The following EP300 variants were observed in gnomAD, a reference collection of about 807,000 sequenced individuals.
The protein encoded by EP300 is EP300 lysine acetyltransferase.
EP300 carries 31 observed loss-of-function variants against 264.0 expected under a neutral mutation model. That is an observed-to-expected ratio of 0.12 (90% confidence interval 0.09 to 0.16). The LOEUF is 0.16. Among genes scored for constraint, EP300 ranks in the 10% least tolerant of loss-of-function variants. The pLI, the probability that EP300 is intolerant of heterozygous loss-of-function variation, is 1.00. For missense variants in EP300, 2,766 were observed against 3,052.9 expected (o/e 0.91, Z 2.21); for synonymous variants, 1,340 against 1,045.4 (o/e 1.28, Z -5.44).
At chr22:41,128,606 C>T (rs1037387913) in intron 4 of EP300, among the ~76,000 whole-genome samples, 1 of 152,066 alleles carries the variant, frequency 6.6e-6, no homozygotes, top group African/African-American at 2.4e-5. Context: ...CTTCCAGGTT[C>T]ATGCCATTCT....
chr22:41,178,599 C>A lies in EP300; in HGVS notation c.6888C>A (p.Gly2296=), dbSNP rs1002354415. The change falls in exon 31 of 31, where the codon GGC becomes GGA. Residue 2296 remains glycine (G), a synonymous_variant. Coordinates refer to ENST00000263253, the MANE Select transcript of EP300 (RefSeq NM_001429.4). ...PNQAQSPHLQ[G]QQIPNSLSNQ... is the part of the protein sequence containing the mutation. ...AGGCCCAGTCCCCACACCTACAAGG[C>A]CAGCAGATCCCTAATTCTCTCTCCA... 2 of 1,614,008 alleles carry A rather than the reference C, an allele frequency of 1.2e-6. No homozygotes were observed. Among genetic ancestry groups the A allele is most frequent in the Non-Finnish European group, 1.7e-6 (2 of 1,180,028 alleles).
rs1569112429 is a variant in EP300 at position 41,160,754 on chromosome 22, A to T, written c.3671+32A>T. 5 of 1,591,626 alleles carry T rather than the reference A, an allele frequency of 3.1e-6. No individual in the cohort carries two copies. In the South Asian group the frequency reaches 4.4e-5, roughly 14 times the overall value. On this transcript the variant is annotated intron_variant, in intron 20 of 30. Coordinates refer to ENST00000263253, the MANE Select transcript of EP300 (RefSeq NM_001429.4). Reference sequence around the variant, plus strand: ...AACTGCATTATTTTGAAAAGTGCTAATTAGTTTGTTGTCCAGTGATTATGC... The same window carrying T: ...AACTGCATTATTTTGAAAAGTGCTATTTAGTTTGTTGTCCAGTGATTATGC...
chr22:41,116,113 TTAGC>T (rs1300721973), intron 1 of EP300, among the ~76,000 whole-genome samples: 5 of 152,266 alleles, frequency 3.3e-5, no homozygotes, highest in East Asian at 1.9e-4. Context: ...ATACAAACCT[TTAGC>T]TAGCAACTCA....
intron 10 of EP300, 47 bp downstream of exon 10, chr22:41,141,269 A>T: frequency 6.3e-7 from 1 of 1,578,164 alleles, no homozygotes; most frequent in Non-Finnish European, 8.7e-7. Context: ...TTGATAATAA[A>T]ATAGTTTCTA....
chr22:41,158,570 G>A, intron 19 of EP300, 70 bp downstream of exon 19: 3 of 1,198,470 alleles, frequency 2.5e-6, no homozygotes, highest in Admixed American at 1.8e-5. Context: ...GGATGGGCCA[G>A]CACACATACA....
intron 22 of EP300, among the ~76,000 whole-genome samples, chr22:41,165,542 G>C (rs963245895): frequency 6.6e-6 from 1 of 151,990 alleles, no homozygotes; most frequent in African/African-American, 2.4e-5. Flanking sequence ...TCCTGCCTCA[G>C]CCTCCCTAGT....
At chr22:41,104,384 G>T (rs940742011) in intron 1 of EP300, among the ~76,000 whole-genome samples, 2 of 151,630 alleles carry the variant, frequency 1.3e-5, no homozygotes, top group African/African-American at 4.8e-5. Context: ...CTGCCTCCCC[G>T]GTTCAAGTGA....
chr22:41,156,442 C>T (rs954660939), intron 17 of EP300, among the ~76,000 whole-genome samples: 14 of 152,130 alleles, frequency 9.2e-5, no homozygotes, highest in Non-Finnish European at 1.5e-4. Context: ...GTTACTTGGC[C>T]GGGCACGGTG....
chr22:41,168,314 T>A lies in EP300; in HGVS notation c.3875-135T>A. 3 of 980,804 alleles carry A rather than the reference T, an allele frequency of 3.1e-6. No homozygotes were observed. In the South Asian group the frequency reaches 4.1e-5, roughly 13 times the overall value. 60.8% of individuals were successfully genotyped at this position (980,804 alleles called of 1,614,324 possible). On this transcript the variant is annotated intron_variant, in intron 23 of 30. Coordinates refer to ENST00000263253, the MANE Select transcript of EP300 (RefSeq NM_001429.4). Reference sequence around the variant, plus strand: ...GTAAATCTGCAAAGTAGTGACTACTTTGCTATGATTTTTTAAAATTTCACC... The same window carrying A: ...GTAAATCTGCAAAGTAGTGACTACTATGCTATGATTTTTTAAAATTTCACC...
intron 1 of EP300, among the ~76,000 whole-genome samples, chr22:41,107,422 TAAAAA>T (rs35343837): frequency 1.4e-5 from 2 of 147,518 alleles, no homozygotes; most frequent in African/African-American, 2.5e-5. Context: ...GCCTTTTAAG[TAAAAA>T]AAAAAAAAAG....
intron 28 of EP300, 105 bp from the exon 29 acceptor site, chr22:41,173,518 C>T: frequency 8.5e-7 from 1 of 1,177,194 alleles, no homozygotes; most frequent in Non-Finnish European, 1.2e-6. Context: ...AAGTTACAGG[C>T]ATAAGATTAT....
chr22:41,169,389 G>C, intron 25 of EP300, 114 bp from the exon 26 acceptor site: 2 of 742,806 alleles, frequency 2.7e-6, no homozygotes, highest in South Asian at 1.4e-5. Context: ...CACAAATAAC[G>C]ATGTGAGCAA....
rs2059217135 is a variant in EP300 at position 41,178,503 on chromosome 22, C to T, written c.6792C>T (p.Leu2264=). 5 of 1,614,044 alleles carry T rather than the reference C, an allele frequency of 3.1e-6. No individual in the cohort carries two copies. The highest frequency in any genetic ancestry group is 1.6e-4 in the Middle Eastern group (1 of 6,062). Residue 2264 remains leucine (L), a synonymous_variant, in exon 31 of 31, where the codon CTC becomes CTT. Transcript: ENST00000263253. ...GTCTACAGGCCTATCAGCAGCGACT[C>T]CTTCAGCAACAGATGGGGTCCCCTG... ...GASLQAYQQR[L]LQQQMGSPVQ...
At chr22:41,098,299 C>T (rs766441262) in intron 1 of EP300, among the ~76,000 whole-genome samples, 1 of 152,192 alleles carries the variant, frequency 6.6e-6, no homozygotes, top group Admixed American at 6.5e-5. Context: ...AGGTGTTAAG[C>T]CTCTTCTGAG....
At position 41,097,464 on chromosome 22, in the gene EP300, T is replaced by C. The variant is rs148485130; in HGVS notation, c.94+4366T>C. On this transcript the variant is annotated intron_variant, in intron 1 of 30. Coordinates refer to ENST00000263253, the MANE Select transcript of EP300 (RefSeq NM_001429.4). ...TCTTTATTTAATAAAAACAAAAAAA[T>C]GGAAACAGTTGAAAATTAATGCAAA... Among the ~76,000 whole-genome samples, 1,226 of 152,250 alleles carry C rather than the reference T, an allele frequency of 8.1e-3. 10 individuals carry two copies. Among genetic ancestry groups the C allele is most frequent in the Middle Eastern group, 0.024 (7 of 294 alleles).
chr22:41,097,972 G>A (rs2058711054), intron 1 of EP300, among the ~76,000 whole-genome samples: 1 of 151,722 alleles, frequency 6.6e-6, no homozygotes, highest in South Asian at 2.1e-4. Context: ...GGGATTACAG[G>A]CGTGAGCCAC....
chr22:41,164,300 C>A (rs2059123399), intron 22 of EP300, among the ~76,000 whole-genome samples, 170 bp downstream of exon 22: 1 of 152,150 alleles, frequency 6.6e-6, no homozygotes, highest in Admixed American at 6.5e-5. Context: ...AATTAAGTAA[C>A]CTAGTATCCA....
rs2059163250 is a variant in EP300, at chr22:41,170,515, T to C, written c.4396T>C (p.Trp1466Arg). Residue 1466 changes from tryptophan to arginine, a missense_variant, in exon 27 of 31, where the codon TGG (tryptophan) becomes CGG (arginine). Physicochemically the swap from Trp to Arg is moderately radical, Grantham distance 101. Coordinates refer to ENST00000263253, the MANE Select transcript of EP300 (RefSeq NM_001429.4). ...KIPKPKRLQE[W>R]YKKMLDKAVS... ...ACCCAAGCCCAAGCGACTGCAGGAA[T>C]GGTACAAAAAAATGCTTGACAAGGC... 6.2e-7 allele frequency: 1 copy of C among 1,613,930 alleles called. No homozygotes were observed. The highest frequency in any genetic ancestry group is 1.3e-5 in the African/African-American group (1 of 74,878).
chr22:41,147,109 G>C (rs543584543), intron 11 of EP300, among the ~76,000 whole-genome samples: 1 of 151,924 alleles, frequency 6.6e-6, no homozygotes, highest in Non-Finnish European at 1.5e-5. Flanking sequence ...TACGAGACCA[G>C]CCTGGCCAAT....
Sources: allele counts gnomAD v4.1 joint callset (sites outside exome capture counted in the v4.1 genomes callset), GRCh38; gene constraint gnomAD v4.1.1; transcripts MANE v1.5; gene names NCBI Gene and HGNC (gene_info 2026-07-23, HGNC 2026-07-21).